POT1: variants seen among roughly 807,000 people sequenced by gnomAD.
POT1 encodes the protein protection of telomeres protein 1.
POT1 carries 47 observed loss-of-function variants against 78.5 expected under a neutral mutation model. The ratio of observed to expected loss-of-function variants is 0.60; its 90% CI spans 0.47 to 0.76. POT1 has a LOEUF of 0.76. Among genes scored for constraint, POT1 ranks in the 30% least tolerant of loss-of-function variants. The pLI, the probability that POT1 is intolerant of heterozygous loss-of-function variation, is 0.00. For synonymous variants in POT1, 259 were observed against 260.7 expected (o/e 0.99, Z 0.06); for missense variants, 646 against 749.9 (o/e 0.86, Z 1.62).
intron 9 of POT1, 189 bp downstream of exon 9, chr7:124,858,768 C>A: frequency 2.5e-6 from 1 of 397,742 alleles, no homozygotes; most frequent in East Asian, 3.9e-5. Flanking sequence ...AAAAATTGCT[C>A]TAACCCATTA....
intron 6 of POT1, among the ~76,000 whole-genome samples, chr7:124,877,304 T>A (rs941274768): frequency 6.6e-6 from 1 of 152,142 alleles, no homozygotes; most frequent in Admixed American, 6.5e-5. Flanking sequence ...CAATCAAGCA[T>A]AAAGACAGAT....
At position 124,916,419 on chromosome 7, in the gene POT1, A is replaced by G. The variant is rs7809070; in HGVS notation, c.-226-773T>C. On this transcript the variant is annotated intron_variant, in intron 2 of 18. Coordinates refer to ENST00000357628, the MANE Select transcript of POT1 (RefSeq NM_015450.3). ...TAGAAAGCTGAAAAAAGTGTCAACA[A>G]TAAAAAGTTAATCTGTAAATCTCAG... Among the ~76,000 whole-genome samples, 1,169 of 152,298 alleles carry G rather than the reference A, an allele frequency of 7.7e-3. 23 individuals carry two copies. The highest frequency in any genetic ancestry group is 0.026 in the African/African-American group (1,095 of 41,574).
chr7:124,911,262 T>C (rs991029258), intron 3 of POT1, among the ~76,000 whole-genome samples: 16 of 152,220 alleles, frequency 1.1e-4, no homozygotes, highest in East Asian at 9.6e-4. Context: ...CTTATCAAAA[T>C]AGATATTTAC....
intron 6 of POT1, among the ~76,000 whole-genome samples, chr7:124,872,936 T>C (rs1334715549): frequency 1.3e-5 from 2 of 152,232 alleles, no homozygotes; most frequent in Non-Finnish European, 2.9e-5. Flanking sequence ...TGATTAGTGA[T>C]GTTGAACATC....
At chr7:124,870,321 AT>A in intron 7 of POT1, among the ~76,000 whole-genome samples, 1 of 152,182 alleles carries the variant, frequency 6.6e-6, no homozygotes, top group Non-Finnish European at 1.5e-5. Flanking sequence ...AAGTTCTAAA[AT>A]TTTTTTAATT....
chr7:124,863,254 C>G (rs1429303628), intron 8 of POT1, 96 bp downstream of exon 8: 1 of 1,224,340 alleles, frequency 8.2e-7, no homozygotes, highest in African/African-American at 1.5e-5. Flanking sequence ...GTATAATACA[C>G]AGCATGCTTT....
At chr7:124,915,128 G>GATAT (rs1301347928) in intron 3 of POT1, among the ~76,000 whole-genome samples, 1 of 152,148 alleles carries the variant, frequency 6.6e-6, no homozygotes, top group South Asian at 2.1e-4. Flanking sequence ...AACAGTGTCT[G>GATAT]ATATATACTT....
chr7:124,892,407 A>G lies in POT1; in HGVS notation c.10-27T>C, dbSNP rs371750875. The G allele has an allele frequency of 1.4e-5, 15 of 1,098,204 alleles. No individual in the cohort carries two copies. The African/African-American group carries it at 2.5e-4, about 18-fold the overall frequency. The allele number at this position is 1,098,204 out of a possible 1,614,324, so 68.0% of individuals were successfully genotyped here. A position where few individuals can be genotyped will look rare whatever the true frequency, so the allele number is the denominator to read the frequency against. ...TAAAGAAAGAGAAGACAGTGAATAC[A>G]TTTATACAAAGTATTTACATTGTAG... On this transcript the variant is annotated intron_variant, in intron 5 of 18. Transcript: ENST00000357628.
rs150998548 is a variant in POT1 at position 124,920,421 on chromosome 7, T to C, written c.-226-4775A>G. ...GGTAAGCAGTCATGAGTGGTTAGAG[T>C]TGGCAAAACAGCTAACTATAAAATT... On this transcript the variant is annotated intron_variant, in intron 2 of 18. Coordinates refer to ENST00000357628, the MANE Select transcript of POT1 (RefSeq NM_015450.3). Among the ~76,000 whole-genome samples, 317 of 151,978 alleles carry C rather than the reference T, an allele frequency of 2.1e-3. 1 individual carries two copies. The highest frequency in any genetic ancestry group is 3.5e-3 in the Admixed American group (53 of 15,258).
chr7:124,907,360 A>G (rs1252057539), intron 3 of POT1, among the ~76,000 whole-genome samples: 1 of 152,116 alleles, frequency 6.6e-6, no homozygotes, highest in Non-Finnish European at 1.5e-5. Context: ...CTCAGAGAAG[A>G]AAAATGAAGT....
Position 124,822,658 on chromosome 7 carries a change from G to A in POT1, c.*1304C>T, listed in dbSNP as rs1794533989. The A allele has an allele frequency of 5.3e-6, 2 of 378,402 alleles. No individual in the cohort carries two copies. Among genetic ancestry groups the A allele is most frequent in the Non-Finnish European group, 1.1e-5 (2 of 177,984 alleles). 23.4% of individuals were successfully genotyped at this position (378,402 alleles called of 1,614,324 possible). A position where few individuals can be genotyped will look rare whatever the true frequency, so the allele number is the denominator to read the frequency against. ...GTTTTAAAATATTTTTCCTGAAAAT[G>A]TTTTGAACCAAGAGTCTATATTCTT... is the stretch of plus-strand genomic sequence containing the variant. On this transcript the variant is annotated 3_prime_UTR_variant, in exon 19 of 19. Coordinates refer to ENST00000357628, the MANE Select transcript of POT1 (RefSeq NM_015450.3).
chr7:124,923,779 A>T (rs1236349543), intron 2 of POT1, among the ~76,000 whole-genome samples: 1 of 151,752 alleles, frequency 6.6e-6, no homozygotes, highest in African/African-American at 2.4e-5. Flanking sequence ...AAAATTACCA[A>T]GAGAAAAGCA....
chr7:124,919,039 G>A (rs925352496), intron 2 of POT1, among the ~76,000 whole-genome samples: 2 of 152,124 alleles, frequency 1.3e-5, no homozygotes, highest in African/African-American at 4.8e-5. Context: ...TCGTCTTTGT[G>A]TGAACATCAG....
chr7:124,840,915 A>C, intron 14 of POT1, 58 bp downstream of exon 14: 1 of 1,342,174 alleles, frequency 7.5e-7, no homozygotes, highest in Non-Finnish European at 1.1e-6. Context: ...AACAATAATT[A>C]ATTAGGAAAA....
intron 11 of POT1, among the ~76,000 whole-genome samples, chr7:124,851,041 G>A (rs551518330): frequency 1.3e-5 from 2 of 152,194 alleles, no homozygotes; most frequent in Admixed American, 1.3e-4. Context: ...TAAGGCAGGA[G>A]GATTGCTTGA....
intron 7 of POT1, among the ~76,000 whole-genome samples, chr7:124,864,628 C>T (rs1004388026): frequency 2.0e-5 from 3 of 152,082 alleles, no homozygotes; most frequent in African/African-American, 7.2e-5. Flanking sequence ...CACTTGGAAT[C>T]AATATTGTTC....
chr7:124,914,732 C>G (rs1157550696), intron 3 of POT1, among the ~76,000 whole-genome samples: 2 of 152,044 alleles, frequency 1.3e-5, no homozygotes, highest in African/African-American at 4.8e-5. Context: ...CTAGAGATGA[C>G]TTAATGTCAA....
intron 14 of POT1, among the ~76,000 whole-genome samples, chr7:124,840,258 A>C (rs1037249451): frequency 1.3e-5 from 2 of 152,064 alleles, no homozygotes; most frequent in Non-Finnish European, 2.9e-5. Context: ...TTTTTCTTCT[A>C]TTACAAAAGG....
chr7:124,854,478 T>G (rs181966718), intron 9 of POT1, among the ~76,000 whole-genome samples: 24 of 152,086 alleles, frequency 1.6e-4, no homozygotes, highest in Middle Eastern at 3.4e-3. Flanking sequence ...ACTTTCCAAT[T>G]CTGCTTATTG....
Sources: allele counts gnomAD v4.1 joint callset (sites outside exome capture counted in the v4.1 genomes callset), GRCh38; gene constraint gnomAD v4.1.1; transcripts MANE v1.5; gene names NCBI Gene and HGNC (gene_info 2026-07-23, HGNC 2026-07-21).